PDE4D: variants seen among roughly 807,000 people sequenced by gnomAD.
PDE4D encodes phosphodiesterase 4D.
A neutral mutation model predicts 87.4 loss-of-function variants in PDE4D; 24 were observed. That is an observed-to-expected ratio of 0.27 (90% CI 0.20 to 0.39). PDE4D has a LOEUF of 0.39. PDE4D is among the 10% of genes least tolerant of loss of function. The probability of loss-of-function intolerance (pLI) is 1.00; values close to 1 mark genes in which losing one functional copy is unlikely to be tolerated. For missense variants in PDE4D, 714 were observed against 1,041.0 expected, an observed-to-expected ratio of 0.69 and a Z score of 4.32; for synonymous variants, 384 against 383.2, an observed-to-expected ratio of 1.00 and a Z score of -0.02.
At chr5:59,114,785 T>C (rs1773296587) in intron 5 of PDE4D, among the ~76,000 whole-genome samples, 1 of 151,742 alleles carries the variant, frequency 6.6e-6, no homozygotes, top group Non-Finnish European at 1.5e-5. Flanking sequence ...GAAAAATATC[T>C]ACTTGGTTTG....
chr5:59,426,207 A>G (rs1795181527), intron 1 of PDE4D, among the ~76,000 whole-genome samples: 1 of 152,196 alleles, frequency 6.6e-6, no homozygotes, highest in Non-Finnish European at 1.5e-5. Context: ...AGCTTTTGGA[A>G]TTGTGAGAAA....
chr5:59,203,384 G>A (rs1220180679), intron 2 of PDE4D, among the ~76,000 whole-genome samples: 1 of 151,850 alleles, frequency 6.6e-6, no homozygotes, highest in East Asian at 1.9e-4. Flanking sequence ...TTACACTGTT[G>A]GTGGGAATGT....
chr5:59,963,794 G>A (rs1488192275), intron 3 of PDE4D, among the ~76,000 whole-genome samples: 1 of 152,050 alleles, frequency 6.6e-6, no homozygotes, highest in Admixed American at 6.6e-5. Flanking sequence ...TATTCAGAGT[G>A]GGATGGCTTG....
chr5:60,266,268 C>A (rs944275704), intron 1 of PDE4D, among the ~76,000 whole-genome samples: 1 of 152,132 alleles, frequency 6.6e-6, no homozygotes, highest in African/African-American at 2.4e-5. Flanking sequence ...CAGTTTGCTT[C>A]CCCACAGCAG....
At chr5:60,350,222 C>T (rs146140991) in intron 1 of PDE4D, among the ~76,000 whole-genome samples, 2 of 152,282 alleles carry the variant, frequency 1.3e-5, no homozygotes, top group African/African-American at 4.8e-5. Context: ...GGCTCAGGTT[C>T]GAGCCTATCA....
At chr5:60,519,094 AGAG>A (rs1750927832) in intron 1 of PDE4D, among the ~76,000 whole-genome samples, 1 of 152,202 alleles carries the variant, frequency 6.6e-6, no homozygotes, top group East Asian at 1.9e-4. Context: ...CTCAAAGGTG[AGAG>A]GAGAAGCAAG....
intron 1 of PDE4D, among the ~76,000 whole-genome samples, chr5:60,245,435 T>C (rs1747651321): frequency 6.6e-6 from 1 of 151,922 alleles, no homozygotes; most frequent in South Asian, 2.1e-4. Flanking sequence ...CTCCTAGGTA[T>C]ATACCCAAAA....
chr5:59,033,469 GAA>G (rs1757947193), intron 6 of PDE4D, among the ~76,000 whole-genome samples: 1 of 152,120 alleles, frequency 6.6e-6, no homozygotes, highest in Admixed American at 6.5e-5. Context: ...TACAGTTCTA[GAA>G]AAAGAGTTGG....
intron 1 of PDE4D, among the ~76,000 whole-genome samples, chr5:60,360,993 G>A (rs369552135): frequency 5.3e-5 from 8 of 152,236 alleles, no homozygotes; most frequent in East Asian, 1.9e-4. Flanking sequence ...CATCACTATC[G>A]CCAGTGCTAA....
chr5:59,810,997 AAGTT>A (rs1225771546), intron 1 of PDE4D, among the ~76,000 whole-genome samples: 2 of 152,208 alleles, frequency 1.3e-5, no homozygotes, highest in African/African-American at 2.4e-5. Context: ...GCAGTATAAT[AAGTT>A]AGGAAGAATC....
At chr5:60,065,058 A>G (rs1771900509) in intron 2 of PDE4D, among the ~76,000 whole-genome samples, 1 of 152,158 alleles carries the variant, frequency 6.6e-6, no homozygotes, top group South Asian at 2.1e-4. Flanking sequence ...CAAACCTTCA[A>G]TACACACATT....
rs574150931 is a variant in PDE4D at position 59,958,846 on chromosome 5, G to A, written c.272+29642C>T. Among the ~76,000 whole-genome samples, 10 of 152,120 alleles carry A rather than the reference G, an allele frequency of 6.6e-5. No individual in the cohort carries two copies. In the East Asian group the frequency reaches 9.7e-4, roughly 15 times the overall value. The stretch of plus-strand genomic sequence containing the variant: ...TAGTAACGGAAGTCCTAGTCAGAGC[G>A]ATCAGGCAAAAGAAAGAAATGAAGG... On this transcript the variant is annotated intron_variant, in intron 3 of 16. Transcript: ENST00000502484.
intron 2 of PDE4D, among the ~76,000 whole-genome samples, chr5:60,133,699 G>C (rs1187209371): frequency 6.6e-6 from 1 of 152,098 alleles, no homozygotes; most frequent in Non-Finnish European, 1.5e-5. Flanking sequence ...CCATTAACAG[G>C]TAGATCACTA....
At chr5:59,237,718 T>G (rs981305908) in intron 1 of PDE4D, among the ~76,000 whole-genome samples, 7 of 151,180 alleles carry the variant, frequency 4.6e-5, no homozygotes, top group African/African-American at 1.7e-4. Flanking sequence ...AGACAATATA[T>G]CTAATCTGTC....
At chr5:59,736,678 C>CAA (rs369497546) in intron 1 of PDE4D, among the ~76,000 whole-genome samples, 1 of 134,190 alleles carries the variant, frequency 7.5e-6, no homozygotes, top group African/African-American at 2.8e-5. Context: ...GATTTTGTCT[C>CAA]AAAAAAAAAA....
At chr5:60,417,964 C>G (rs1421587049) in intron 1 of PDE4D, among the ~76,000 whole-genome samples, 1 of 151,992 alleles carries the variant, frequency 6.6e-6, no homozygotes, top group African/African-American at 2.4e-5. Flanking sequence ...AATGAGTTCA[C>G]AATTCACTTT....
upstream of PDE4D, among the ~76,000 whole-genome samples, chr5:59,895,339 G>A (rs949412556): frequency 6.6e-6 from 1 of 152,164 alleles, no homozygotes; most frequent in Non-Finnish European, 1.5e-5. Context: ...TTTATGGTTG[G>A]AAATATACCT....
At chr5:59,200,053 AC>A (rs1436403369) in intron 2 of PDE4D, among the ~76,000 whole-genome samples, 7 of 60,190 alleles carry the variant, frequency 1.2e-4, no homozygotes, top group Admixed American at 4.3e-4. Context: ...GTATGTACAC[AC>A]ATGCATGTAC....
At chr5:59,085,017 T>A (rs2153425396) in intron 5 of PDE4D, among the ~76,000 whole-genome samples, 1 of 152,230 alleles carries the variant, frequency 6.6e-6, no homozygotes, top group South Asian at 2.1e-4. Context: ...AAATAAATCT[T>A]TAAAATATTG....
Sources: gnomAD v4.1 joint callset for allele counts (sites outside exome capture counted in the v4.1 genomes callset) on GRCh38, gnomAD v4.1.1 for gene constraint, MANE v1.5 for transcripts, NCBI Gene and HGNC (gene_info 2026-07-23, HGNC 2026-07-21) for gene names.